SOS1: variants seen among roughly 807,000 people sequenced by gnomAD.
The protein encoded by SOS1 is son of sevenless homolog 1.
In SOS1, 25 loss-of-function variants were observed where a neutral mutation model predicts 157.6. That is an observed-to-expected ratio of 0.16 (90% confidence interval 0.12 to 0.22). SOS1 has a LOEUF of 0.22. Among genes scored for constraint, SOS1 ranks in the 10% least tolerant of loss-of-function variants. The probability of loss-of-function intolerance (pLI) is 1.00; values close to 1 mark genes in which losing one functional copy is unlikely to be tolerated. For missense variants in SOS1, 1,237 were observed against 1,599.1 expected, an observed-to-expected ratio of 0.77 and a Z score of 3.86; for synonymous variants, 528 against 534.0, an observed-to-expected ratio of 0.99 and a Z score of 0.16.
At chr2:39,006,928 A>AAGACTGAGT (rs1289561491) in intron 16 of SOS1, 103 bp downstream of exon 16, 3 of 827,132 alleles carry the variant, frequency 3.6e-6, no homozygotes, top group African/African-American at 1.7e-5. Context: ...TACTACTGAA[A>AAGACTGAGT]AGACAAATGA....
rs1669532828 is a variant in SOS1, at chr2:39,013,504, G to A, written c.2123C>T (p.Ala708Val). Residue 708 changes from alanine (A) to valine (V), a missense_variant, in exon 13 of 23, where the codon GCA (alanine) becomes GTA (valine). Physicochemically the swap from Ala to Val is moderately conservative, Grantham distance 64. Coordinates refer to ENST00000402219, the MANE Select transcript of SOS1 (RefSeq NM_005633.4). ...EHHFYDFERD[A>V]YLLQRMEEFI... ...TTCTTCCATTCGTTGCAAAAGATAT[G>A]CATCTCTTTCAAAATCATAGAAGTG... 1.9e-6 allele frequency: 3 copies of A among 1,611,978 alleles called. No individual in the cohort carries two copies. Among genetic ancestry groups the A allele is most frequent in the African/African-American group, 1.3e-5 (1 of 74,656 alleles).
intron 10 of SOS1, among the ~76,000 whole-genome samples, chr2:39,020,475 G>A (rs1669764222): frequency 6.6e-6 from 1 of 151,632 alleles, no homozygotes; most frequent in South Asian, 2.1e-4. Context: ...TTAAATGTTA[G>A]CTTTGTTTCA....
intron 1 of SOS1, among the ~76,000 whole-genome samples, chr2:39,075,550 T>A (rs185610989): frequency 2.0e-5 from 3 of 151,460 alleles, no homozygotes; most frequent in Admixed American, 1.3e-4. Flanking sequence ...ACGCCTATAA[T>A]CCCATCTACT....
At chr2:39,055,775 G>A (rs906036877) in intron 4 of SOS1, among the ~76,000 whole-genome samples, 1 of 152,156 alleles carries the variant, frequency 6.6e-6, no homozygotes. Context: ...AACATCCTTA[G>A]GTAATGACTA....
chr2:39,058,920 A>G (rs888746112), intron 2 of SOS1, 116 bp from the exon 3 acceptor site: 1 of 768,376 alleles, frequency 1.3e-6, no homozygotes, highest in African/African-American at 1.8e-5. Flanking sequence ...CATGTGGTAT[A>G]ATTTACATTA....
intron 8 of SOS1, among the ~76,000 whole-genome samples, chr2:39,033,531 A>T (rs577265555): frequency 2.1e-4 from 32 of 151,760 alleles, no homozygotes; most frequent in Non-Finnish European, 3.2e-4. Context: ...TTGGAGGGGA[A>T]GGTTGTTTTG....
At chr2:39,087,084 G>A (rs1672403540) in intron 1 of SOS1, among the ~76,000 whole-genome samples, 2 of 152,144 alleles carry the variant, frequency 1.3e-5, no homozygotes, top group Admixed American at 1.3e-4. Flanking sequence ...AAAGTGCTGG[G>A]ATTATAGGCA....
intron 10 of SOS1, among the ~76,000 whole-genome samples, chr2:39,019,496 A>AT (rs1347358544): frequency 4.0e-5 from 6 of 151,694 alleles, no homozygotes; most frequent in African/African-American, 1.2e-4. Flanking sequence ...CAATTGGATA[A>AT]TTTTTCCCCT....
chr2:39,121,435 C>G (rs558646128), upstream of SOS1, among the ~76,000 whole-genome samples: 1 of 152,354 alleles, frequency 6.6e-6, no homozygotes, highest in African/African-American at 2.4e-5. Flanking sequence ...GACAGGTGCT[C>G]TGTCACGAAA....
chr2:39,085,601 C>A (rs781546459), intron 1 of SOS1, among the ~76,000 whole-genome samples: 11 of 152,154 alleles, frequency 7.2e-5, no homozygotes, highest in Non-Finnish European at 1.0e-4. Flanking sequence ...TTTTCAAATT[C>A]AAACTTCTCC....
At chr2:39,056,303 G>T (rs2124606432) in intron 4 of SOS1, among the ~76,000 whole-genome samples, 1 of 152,218 alleles carries the variant, frequency 6.6e-6, no homozygotes, top group South Asian at 2.1e-4. Context: ...TGTAATCCCA[G>T]CTACTCAGGA....
At chr2:39,031,018 A>C (rs1361991322) in intron 8 of SOS1, among the ~76,000 whole-genome samples, 1 of 152,120 alleles carries the variant, frequency 6.6e-6, no homozygotes, top group Non-Finnish European at 1.5e-5. Flanking sequence ...CAGAGGCAGC[A>C]GGGATTCTTC....
At chr2:39,100,635 G>A (rs1672933531) in intron 1 of SOS1, among the ~76,000 whole-genome samples, 2 of 152,192 alleles carry the variant, frequency 1.3e-5, no homozygotes, top group African/African-American at 4.8e-5. Context: ...AAAAGAGCAG[G>A]CCAGGCGTGG....
intron 8 of SOS1, chr2:39,034,914 T>C (rs1363271970): frequency 9.9e-6 from 5 of 502,848 alleles, no homozygotes; most frequent in Non-Finnish European, 1.5e-5. Flanking sequence ...AAACAAAAAG[T>C]AAAGGTACAA....
At chr2:39,074,374 T>C (rs868668949) in intron 1 of SOS1, among the ~76,000 whole-genome samples, 8 of 92,166 alleles carry the variant, frequency 8.7e-5, no homozygotes, top group African/African-American at 3.2e-4. Context: ...AAAAAAAAAA[T>C]AGACCAGCCT....
chr2:39,123,418 C>T (rs1299218197), upstream of SOS1, among the ~76,000 whole-genome samples: 6 of 150,620 alleles, frequency 4.0e-5, no homozygotes, highest in South Asian at 2.1e-4. Flanking sequence ...AGAATGCAGG[C>T]GGAATCTTGG....
chr2:39,084,598 T>C (rs1410762351), intron 1 of SOS1, among the ~76,000 whole-genome samples: 3 of 152,184 alleles, frequency 2.0e-5, no homozygotes, highest in African/African-American at 4.8e-5. Flanking sequence ...ATAACATTTA[T>C]GTCTATGTGT....
intron 1 of SOS1, among the ~76,000 whole-genome samples, chr2:39,073,951 T>C (rs1671872936): frequency 6.6e-6 from 1 of 152,224 alleles, no homozygotes; most frequent in Non-Finnish European, 1.5e-5. Context: ...TAATCAAATC[T>C]CTTTCTTAGT....
intron 6 of SOS1, among the ~76,000 whole-genome samples, chr2:39,050,496 G>A (rs1670969729): frequency 6.6e-6 from 1 of 152,116 alleles, no homozygotes; most frequent in Non-Finnish European, 1.5e-5. Flanking sequence ...TGAGATTACA[G>A]ATTGAGTATC....
Sources: gnomAD v4.1 joint callset for allele counts (sites outside exome capture counted in the v4.1 genomes callset) on GRCh38, gnomAD v4.1.1 for gene constraint, MANE v1.5 for transcripts, NCBI Gene and HGNC (gene_info 2026-07-23, HGNC 2026-07-21) for gene names.